Variants in ZDHHC2 observed in about 807,000 individuals in gnomAD.
The protein encoded by ZDHHC2 is palmitoyltransferase ZDHHC2.
Under a neutral mutation model 55.6 loss-of-function variants are expected in ZDHHC2, and 51 were observed. The observed-to-expected ratio is 0.92, with a 90% CI of 0.73 to 1.16. ZDHHC2 has a LOEUF of 1.16. Among genes scored for constraint, ZDHHC2 ranks in the 50% most tolerant of loss-of-function variants. The pLI is 0.00. For synonymous variants in ZDHHC2, 199 were observed against 152.9 expected, an observed-to-expected ratio of 1.30 and a Z score of -2.22; for missense variants, 491 against 442.4, an observed-to-expected ratio of 1.11 and a Z score of -0.99.
At chr8:17,206,760 T>C (rs369456308) in intron 7 of ZDHHC2, among the ~76,000 whole-genome samples, 3 of 152,178 alleles carry the variant, frequency 2.0e-5, no homozygotes, top group East Asian at 3.8e-4. Flanking sequence ...CAAATGACAG[T>C]AAAAAAGCAA....
chr8:17,195,359 G>C, intron 3 of ZDHHC2, 145 bp from the exon 4 acceptor site: 1 of 885,730 alleles, frequency 1.1e-6, no homozygotes, highest in Non-Finnish European at 1.7e-6. Flanking sequence ...GAACAGACTT[G>C]CCCACGTTTC....
chr8:17,193,038 G>A (rs903641076), intron 3 of ZDHHC2, among the ~76,000 whole-genome samples: 6 of 152,258 alleles, frequency 3.9e-5, no homozygotes, highest in East Asian at 1.9e-4. Flanking sequence ...CGCCAGTACC[G>A]TGCTATTTAG....
chr8:17,199,539 C>CATCTTCT (rs377634777), intron 6 of ZDHHC2, among the ~76,000 whole-genome samples: 1 of 67,952 alleles, frequency 1.5e-5, no homozygotes, highest in African/African-American at 5.1e-5. Context: ...CTTCTGTCTT[C>CATCTTCT]GTCTTCTGTC....
At chr8:17,219,702 A>C (rs1807825982) in intron 12 of ZDHHC2, among the ~76,000 whole-genome samples, 1 of 152,096 alleles carries the variant, frequency 6.6e-6, no homozygotes, top group African/African-American at 2.4e-5. Context: ...TGAGCCAGGG[A>C]GGCGGAATTT....
At chr8:17,173,974 A>G (rs1169522750) in intron 1 of ZDHHC2, among the ~76,000 whole-genome samples, 1 of 152,150 alleles carries the variant, frequency 6.6e-6, no homozygotes, top group Non-Finnish European at 1.5e-5. Context: ...AGAGGCATCG[A>G]GGGAAAATGA....
chr8:17,187,789 G>T (rs1805791251), intron 3 of ZDHHC2, among the ~76,000 whole-genome samples: 1 of 152,124 alleles, frequency 6.6e-6, no homozygotes, highest in Non-Finnish European at 1.5e-5. Flanking sequence ...TCCCAAATCT[G>T]TTTTGAGTTC....
chr8:17,169,721 G>A (rs1383089791), intron 1 of ZDHHC2, among the ~76,000 whole-genome samples: 1 of 152,154 alleles, frequency 6.6e-6, no homozygotes, highest in Non-Finnish European at 1.5e-5. Context: ...AATGATTTTA[G>A]TAAGAGAAAG....
intron 1 of ZDHHC2, among the ~76,000 whole-genome samples, chr8:17,172,214 C>G (rs980969106): frequency 1.3e-5 from 2 of 152,194 alleles, no homozygotes; most frequent in African/African-American, 4.8e-5. Context: ...CCTGCCTCCC[C>G]TTTCTAAACC....
intron 1 of ZDHHC2, among the ~76,000 whole-genome samples, chr8:17,181,792 T>C (rs538413716): frequency 4.6e-5 from 7 of 152,330 alleles, no homozygotes; most frequent in African/African-American, 1.7e-4. Flanking sequence ...TTACCATCTA[T>C]ATTGTTTCAA....
At position 17,221,770 on chromosome 8, in the gene ZDHHC2, G is replaced by C. The variant is rs1205327731; in HGVS notation, c.*1549G>C. On this transcript the variant is annotated 3_prime_UTR_variant, in exon 13 of 13. Coordinates refer to ENST00000262096, the MANE Select transcript of ZDHHC2 (RefSeq NM_016353.5). ...ATAGAAATATCTGCAGTCTTTCACA[G>C]ATTTGTATTATGCTGAAGAGTTTCA... is the stretch of plus-strand genomic sequence containing the variant. The C allele has an allele frequency of 5.2e-5, 8 of 152,432 alleles. No individual in the cohort carries two copies. In the Admixed American group the frequency reaches 5.2e-4, roughly 10 times the overall value. The allele number at this position is 152,432 out of a possible 1,614,324, so 9.4% of individuals were successfully genotyped here. A position where few individuals can be genotyped will look rare whatever the true frequency, so the allele number is the denominator to read the frequency against.
chr8:17,196,767 G>T (rs571910629), intron 4 of ZDHHC2, among the ~76,000 whole-genome samples: 2 of 151,902 alleles, frequency 1.3e-5, no homozygotes, highest in South Asian at 2.1e-4. Context: ...TAGCCTGGGC[G>T]TGGTGGCGCA....
At chr8:17,156,905 C>G (rs1391065487) in intron 1 of ZDHHC2, 52 bp downstream of exon 1, 2 of 1,457,628 alleles carry the variant, frequency 1.4e-6, no homozygotes, top group African/African-American at 1.5e-5. Context: ...CCCACCCCGA[C>G]TGTCCCGGGA....
At chr8:17,209,858 A>G in intron 8 of ZDHHC2, 74 bp from the exon 9 acceptor site, 3 of 1,456,898 alleles carry the variant, frequency 2.1e-6, no homozygotes, top group African/African-American at 1.4e-5. Flanking sequence ...ATTTACTTCA[A>G]TTATTGATAA....
intron 8 of ZDHHC2, among the ~76,000 whole-genome samples, chr8:17,208,802 A>G (rs1003234467): frequency 2.0e-5 from 3 of 152,208 alleles, no homozygotes; most frequent in African/African-American, 7.2e-5. Flanking sequence ...GTAATTCATC[A>G]AAAGCAAATT....
chr8:17,210,596 G>T, intron 10 of ZDHHC2, 116 bp downstream of exon 10: 1 of 787,702 alleles, frequency 1.3e-6, no homozygotes, highest in South Asian at 2.2e-5. Context: ...TTACTGCAAT[G>T]GTTTCCACTT....
rs141347403 is a variant in ZDHHC2 at position 17,178,624 on chromosome 8, C to T, written c.131-6165C>T. Among the ~76,000 whole-genome samples, 57 of 152,274 alleles carry T rather than the reference C, an allele frequency of 3.7e-4. No homozygotes were observed. The Middle Eastern group carries it at 0.02, about 55-fold the overall frequency. Reference sequence around the variant, plus strand: ...ATAAAACTTTATTTATAGAAACAGGCATCTAGCTGTGTTTGGACCAAGGGT... The same window carrying T: ...ATAAAACTTTATTTATAGAAACAGGTATCTAGCTGTGTTTGGACCAAGGGT... On this transcript the variant is annotated intron_variant, in intron 1 of 12. Transcript: ENST00000262096.
chr8:17,189,338 C>G (rs1805903285), intron 3 of ZDHHC2, among the ~76,000 whole-genome samples: 1 of 152,008 alleles, frequency 6.6e-6, no homozygotes, highest in African/African-American at 2.4e-5. Context: ...GATTTTTCTC[C>G]ATAACATTTA....
At chr8:17,204,091 C>A (rs772304241) in intron 6 of ZDHHC2, among the ~76,000 whole-genome samples, 3 of 152,212 alleles carry the variant, frequency 2.0e-5, no homozygotes, top group Non-Finnish European at 4.4e-5. Flanking sequence ...CAGGTGTGAG[C>A]CACCACGCCC....
At chr8:17,191,826 G>C (rs999842691) in intron 3 of ZDHHC2, among the ~76,000 whole-genome samples, 3 of 152,100 alleles carry the variant, frequency 2.0e-5, no homozygotes, top group African/African-American at 7.2e-5. Flanking sequence ...TTTCTTTTGG[G>C]TATATACTCA....
Sources: allele counts gnomAD v4.1 joint callset (sites outside exome capture counted in the v4.1 genomes callset), GRCh38; gene constraint gnomAD v4.1.1; transcripts MANE v1.5; gene names NCBI Gene and HGNC (gene_info 2026-07-23, HGNC 2026-07-21).